Variants in TBX15 observed in about 807,000 individuals in gnomAD.
The protein encoded by TBX15 is T-box transcription factor TBX15.
Under a neutral mutation model 53.9 loss-of-function variants are expected in TBX15, and 18 were observed. The observed-to-expected ratio is 0.33, with a 90% CI of 0.23 to 0.49. The LOEUF is 0.49. Among genes scored for constraint, TBX15 ranks in the 20% least tolerant of loss-of-function variants. The probability of loss-of-function intolerance (pLI) is 0.98; values close to 1 mark genes in which losing one functional copy is unlikely to be tolerated. For missense variants in TBX15, 692 were observed against 749.5 expected, an observed-to-expected ratio of 0.92 and a Z score of 0.90; for synonymous variants, 295 against 278.0, an observed-to-expected ratio of 1.06 and a Z score of -0.61.
intron 6 of TBX15, among the ~76,000 whole-genome samples, chr1:118,902,861 C>T (rs753510308): frequency 1.3e-5 from 2 of 152,142 alleles, no homozygotes; most frequent in Non-Finnish European, 2.9e-5. Context: ...ATTGTTTACT[C>T]ATTTGTCATC....
In TBX15 at chr1:118,916,375, G is replaced by T. The variant is rs542836432; in HGVS notation, c.862-2196C>A. 3.9e-5 allele frequency among the ~76,000 whole-genome samples: 6 copies of T among 152,112 alleles called. No homozygotes were observed. In the East Asian group the frequency reaches 1.2e-3, roughly 29 times the overall value. ...GGATTTTAATGAAAACACAAGAGAA[G>T]GAAAAAGGACAAAGGAAGCATTTCT... On this transcript the variant is annotated intron_variant, in intron 5 of 7. Transcript: ENST00000369429.
chr1:118,955,843 G>A (rs1656671941), intron 1 of TBX15, among the ~76,000 whole-genome samples: 1 of 152,132 alleles, frequency 6.6e-6, no homozygotes, highest in African/African-American at 2.4e-5. Flanking sequence ...TTATAGTTCA[G>A]GTATAAAAGA....
intron 1 of TBX15, among the ~76,000 whole-genome samples, chr1:118,936,562 T>C (rs1450338930): frequency 1.3e-5 from 2 of 152,162 alleles, no homozygotes; most frequent in Admixed American, 6.5e-5. Context: ...AAAAAAGTTA[T>C]ATATTTATGA....
chr1:118,964,258 T>C (rs1258799789), intron 1 of TBX15, among the ~76,000 whole-genome samples: 1 of 152,242 alleles, frequency 6.6e-6, no homozygotes, highest in African/African-American at 2.4e-5. Context: ...ACTAAACTCA[T>C]ATCTCCCCAT....
In TBX15 at chr1:118,883,709, G is replaced by C. The variant is rs1653809493; in HGVS notation, c.*1023C>G. The C allele has an allele frequency of 6.6e-6, 1 of 152,222 alleles. No individual in the cohort carries two copies. The highest frequency in any genetic ancestry group is 1.5e-5 in the Non-Finnish European group (1 of 68,088). 9.4% of individuals were successfully genotyped at this position (152,222 alleles called of 1,614,324 possible). On this transcript the variant is annotated 3_prime_UTR_variant, in exon 8 of 8. Coordinates refer to ENST00000369429, the MANE Select transcript of TBX15 (RefSeq NM_001330677.2). ...GTGCACCTCTCTTCTGGATCACAGT[G>C]GTCAAAGCTGTGGGCTCAGGATGCA... is the stretch of plus-strand genomic sequence containing the variant.
At chr1:118,961,081 A>C (rs568515848) in intron 1 of TBX15, among the ~76,000 whole-genome samples, 1 of 152,300 alleles carries the variant, frequency 6.6e-6, no homozygotes, top group South Asian at 2.1e-4. Flanking sequence ...CTGGGAATTC[A>C]TGCAAGGTCC....
intron 3 of TBX15, 119 bp downstream of exon 3, chr1:118,926,391 T>C: frequency 1.1e-6 from 1 of 910,148 alleles, no homozygotes; most frequent in Non-Finnish European, 1.8e-6. Flanking sequence ...ATTGACATAG[T>C]CTCCATTCCT....
intron 1 of TBX15, among the ~76,000 whole-genome samples, chr1:118,939,871 G>A (rs569174685): frequency 5.9e-5 from 9 of 151,908 alleles, no homozygotes; most frequent in East Asian, 5.8e-4. Flanking sequence ...CTTTATGTAC[G>A]TTATTATCTC....
At chr1:118,955,286 A>G (rs1043897836) in intron 1 of TBX15, among the ~76,000 whole-genome samples, 2 of 152,196 alleles carry the variant, frequency 1.3e-5, no homozygotes, top group African/African-American at 2.4e-5. Flanking sequence ...GAAGTCTGGA[A>G]CTGCTATAGT....
chr1:118,951,120 C>A (rs1333874579), intron 1 of TBX15, among the ~76,000 whole-genome samples: 5 of 152,208 alleles, frequency 3.3e-5, no homozygotes, highest in African/African-American at 1.2e-4. Context: ...AAACTACAAA[C>A]TATGACTACA....
intron 7 of TBX15, among the ~76,000 whole-genome samples, chr1:118,889,816 T>A (rs941423072): frequency 1.6e-5 from 2 of 123,970 alleles, no homozygotes; most frequent in Non-Finnish European, 3.8e-5. Context: ...AAAAAAAAAT[T>A]TAGTAGAGAT....
At chr1:118,933,484 T>A (rs563716079) in intron 1 of TBX15, among the ~76,000 whole-genome samples, 4 of 141,888 alleles carry the variant, frequency 2.8e-5, no homozygotes, top group African/African-American at 7.5e-5. Flanking sequence ...AACTATAAAG[T>A]TTTATAACTA....
chr1:118,893,257 AGAAAGAAAGGAAGAAGGAAG>A (rs1156904778), intron 7 of TBX15, among the ~76,000 whole-genome samples: 1 of 139,686 alleles, frequency 7.2e-6, no homozygotes, highest in Non-Finnish European at 1.5e-5. Flanking sequence ...AAAGAAAGGA[AGAAAGAAAGGAAGAAGGAAG>A]GAAGGAAGGA....
At position 118,978,206 on chromosome 1, in the gene TBX15, A is replaced by G. The variant is rs1208184839; in HGVS notation, c.205+9385T>C. On this transcript the variant is annotated intron_variant, in intron 1 of 7. Coordinates refer to ENST00000369429, the MANE Select transcript of TBX15 (RefSeq NM_001330677.2). ...ATATAAAAACTTTTTCAAGAACTTT[A>G]CCAAAGCTTTTAATTCTAGCTCTAA... is the stretch of plus-strand genomic sequence containing the variant. 3.9e-5 allele frequency among the ~76,000 whole-genome samples: 6 copies of G among 152,340 alleles called. No individual in the cohort carries two copies. In the East Asian group the frequency reaches 1.2e-3, roughly 29 times the overall value.
At chr1:118,916,251 ACC>A (rs1655214245) in intron 5 of TBX15, among the ~76,000 whole-genome samples, 1 of 152,198 alleles carries the variant, frequency 6.6e-6, no homozygotes, top group Non-Finnish European at 1.5e-5. Context: ...AAGGCAAAGT[ACC>A]CTGAAAGCTT....
At chr1:118,921,411 A>G (rs1305293704) in intron 5 of TBX15, among the ~76,000 whole-genome samples, 1 of 152,214 alleles carries the variant, frequency 6.6e-6, no homozygotes. Context: ...TGGTTTGAGA[A>G]CAATTGCTCC....
rs185406616 is a variant in TBX15, at chr1:118,906,063, G to A, written c.927-6938C>T. ...GTAAAATGGGAAATAGTGCATTGAC[G>A]TCATCAACTTGGAGATAAAAATGGA... On this transcript the variant is annotated intron_variant, in intron 6 of 7. Transcript: ENST00000369429. Among the ~76,000 whole-genome samples the A allele has an allele frequency of 3.3e-3, 497 of 152,244 alleles. 1 individual carries two copies. The highest frequency in any genetic ancestry group is 0.014 in the South Asian group (68 of 4,816).
chr1:118,929,686 A>C (rs141980911), intron 2 of TBX15, among the ~76,000 whole-genome samples: 1 of 152,358 alleles, frequency 6.6e-6, no homozygotes, highest in African/African-American at 2.4e-5. Flanking sequence ...ATACTGCAGA[A>C]GAATTACAAA....
At chr1:118,950,497 G>A (rs561754951) in intron 1 of TBX15, among the ~76,000 whole-genome samples, 1 of 152,220 alleles carries the variant, frequency 6.6e-6, no homozygotes, top group South Asian at 2.1e-4. Flanking sequence ...CAAGAGCCAT[G>A]TTGGACCATT....
Sources: gnomAD v4.1 joint callset for allele counts (sites outside exome capture counted in the v4.1 genomes callset) on GRCh38, gnomAD v4.1.1 for gene constraint, MANE v1.5 for transcripts, NCBI Gene and HGNC (gene_info 2026-07-23, HGNC 2026-07-21) for gene names.